The following SCN2A variants were observed in gnomAD, a reference collection of about 807,000 sequenced individuals.
SCN2A encodes sodium voltage-gated channel alpha subunit 2, also known as sodium channel protein type 2 subunit alpha.
A neutral mutation model predicts 188.7 loss-of-function variants in SCN2A; 20 were observed. That is an observed-to-expected ratio of 0.11 (90% CI 0.07 to 0.15). SCN2A has a LOEUF of 0.15. SCN2A is among the 10% of genes least tolerant of loss of function. The pLI is 1.00. For synonymous variants in SCN2A, 804 were observed against 833.1 expected, an observed-to-expected ratio of 0.97 and a Z score of 0.60; for missense variants, 1,278 against 2,445.0, an observed-to-expected ratio of 0.52 and a Z score of 10.07.
chr2:165,390,598 A>G lies in SCN2A; in HGVS notation c.*774A>G, dbSNP rs868613618. 6.5e-6 allele frequency: 1 copy of G among 152,754 alleles called. No homozygotes were observed. The highest frequency in any genetic ancestry group is 1.5e-5 in the Non-Finnish European group (1 of 68,224). The allele number at this position is 152,754 out of a possible 1,614,324, so 9.5% of individuals were successfully genotyped here. A position where few individuals can be genotyped will look rare whatever the true frequency, so the allele number is the denominator to read the frequency against. On this transcript the variant is annotated 3_prime_UTR_variant, in exon 27 of 27. Coordinates refer to ENST00000375437, the MANE Select transcript of SCN2A (RefSeq NM_001040142.2). Reference sequence around the variant, plus strand: ...TATTTTTACATAACCCATTAAATGTACATGTATATATGTATATATGTATAT... The same window carrying G: ...TATTTTTACATAACCCATTAAATGTGCATGTATATATGTATATATGTATAT...
intron 14 of SCN2A, among the ~76,000 whole-genome samples, chr2:165,336,097 A>C (rs1256773114): frequency 6.6e-6 from 1 of 151,912 alleles, no homozygotes; most frequent in African/African-American, 2.4e-5. Context: ...GAAAGCCAAT[A>C]CCATTTTTTA....
intron 20 of SCN2A, chr2:165,372,563 A>T (rs1258442037): frequency 6.6e-6 from 1 of 152,016 alleles, no homozygotes; most frequent in East Asian, 1.9e-4. Flanking sequence ...AAGACTTTAT[A>T]ATTTTTCTCA....
rs944117719 is a variant in SCN2A, at chr2:165,260,736, G to A, written c.-52+21096G>A. 2.6e-5 allele frequency among the ~76,000 whole-genome samples: 4 copies of A among 152,014 alleles called. No homozygotes were observed. The East Asian group carries it at 7.7e-4, about 29-fold the overall frequency. ...AATCTCAGCACTTTGGGAGGCTGAG[G>A]CGGGTGCATCGCCTGAGGTTAGGAG... On this transcript the variant is annotated intron_variant, in intron 1 of 26. Transcript: ENST00000375437.
chr2:165,296,142 G>A (rs752825654), intron 2 of SCN2A, 52 bp downstream of exon 2: 1 of 1,557,664 alleles, frequency 6.4e-7, no homozygotes, highest in Non-Finnish European at 8.8e-7. Context: ...TTGGTTCTGG[G>A]CTAGTCCCAG....
chr2:165,294,131 C>G (rs1419341869), intron 1 of SCN2A: 1 of 971,184 alleles, frequency 1.0e-6, no homozygotes, highest in Admixed American at 6.7e-5. Flanking sequence ...AAAGATTCTA[C>G]AGGGGTAATG....
chr2:165,297,233 T>G lies in SCN2A; in HGVS notation c.386+98T>G, dbSNP rs1696557108. ...AATATCTGTGGTTGGCAATGTTATG[T>G]GTTCTTTCTTTTTCTTTCCTTTTAC... On this transcript the variant is annotated intron_variant, in intron 3 of 26. Coordinates refer to ENST00000375437, the MANE Select transcript of SCN2A (RefSeq NM_001040142.2). The G allele has an allele frequency of 4.1e-6, 3 of 738,910 alleles. No individual in the cohort carries two copies. In the South Asian group the frequency reaches 4.6e-5, roughly 11 times the overall value. 45.8% of individuals were successfully genotyped at this position (738,910 alleles called of 1,614,324 possible). A position where few individuals can be genotyped will look rare whatever the true frequency, so the allele number is the denominator to read the frequency against.
intron 16 of SCN2A, among the ~76,000 whole-genome samples, chr2:165,347,359 A>G (rs998696588): frequency 1.3e-5 from 2 of 151,846 alleles, no homozygotes; most frequent in Non-Finnish European, 1.5e-5. Flanking sequence ...ACCAAACACT[A>G]TATGTTCTCA....
chr2:165,373,019 C>G (rs1306309739), intron 20 of SCN2A: 1 of 526,286 alleles, frequency 1.9e-6, no homozygotes, highest in African/African-American at 1.9e-5. Flanking sequence ...TAACTTCACC[C>G]TGGGAACCTG....
intron 1 of SCN2A, among the ~76,000 whole-genome samples, chr2:165,284,702 T>C (rs1470910877): frequency 6.6e-6 from 1 of 152,134 alleles, no homozygotes; most frequent in African/African-American, 2.4e-5. Flanking sequence ...CAAGTGGAAA[T>C]ACCTCACCCT....
chr2:165,241,686 C>G (rs1414229644), intron 1 of SCN2A, among the ~76,000 whole-genome samples: 1 of 152,114 alleles, frequency 6.6e-6, no homozygotes, highest in Non-Finnish European at 1.5e-5. Context: ...CACTATATCT[C>G]AAAATAAGGA....
At chr2:165,252,964 T>C (rs1694159787) in intron 1 of SCN2A, among the ~76,000 whole-genome samples, 2 of 152,088 alleles carry the variant, frequency 1.3e-5, no homozygotes, top group African/African-American at 4.8e-5. Flanking sequence ...TTGTTCCCAT[T>C]GGTCAGTGGG....
chr2:165,380,271 A>G (rs1244854488), intron 23 of SCN2A, among the ~76,000 whole-genome samples: 1 of 151,844 alleles, frequency 6.6e-6, no homozygotes, highest in Non-Finnish European at 1.5e-5. Context: ...CTTTTGTAAG[A>G]AGAGGAAATC....
At chr2:165,303,507 C>G (rs1696954055) in intron 3 of SCN2A, among the ~76,000 whole-genome samples, 1 of 151,942 alleles carries the variant, frequency 6.6e-6, no homozygotes, top group South Asian at 2.1e-4. Flanking sequence ...GATCTCCTGA[C>G]CTCGTGATCC....
intron 23 of SCN2A, among the ~76,000 whole-genome samples, chr2:165,379,062 G>C (rs1701461227): frequency 6.6e-6 from 1 of 151,708 alleles, no homozygotes; most frequent in Non-Finnish European, 1.5e-5. Flanking sequence ...CATTATTTGA[G>C]AAAGTTAAAG....
Position 165,350,680 on chromosome 2 carries a change from G to C in SCN2A, c.2920-3512G>C, listed in dbSNP as rs569922827. Among the ~76,000 whole-genome samples, 3 of 87,338 alleles carry C rather than the reference G, an allele frequency of 3.4e-5. No individual in the cohort carries two copies. The South Asian group carries it at 1.3e-3, about 38-fold the overall frequency. The allele number at this position is 87,338 out of a possible 152,430, so 57.3% of individuals were successfully genotyped here. A position where few individuals can be genotyped will look rare whatever the true frequency, so the allele number is the denominator to read the frequency against. ...GTAGAGACGGGGTTTCACCGTTTTAGCCGGGATGGTCTCGATCTCCTGACC... is the reference window on the plus strand; with the variant it reads ...GTAGAGACGGGGTTTCACCGTTTTACCCGGGATGGTCTCGATCTCCTGACC... On this transcript the variant is annotated intron_variant, in intron 16 of 26. Transcript: ENST00000375437.
At chr2:165,291,566 T>TC (rs1696195176) in intron 1 of SCN2A, among the ~76,000 whole-genome samples, 1 of 92,712 alleles carries the variant, frequency 1.1e-5, no homozygotes, top group African/African-American at 3.2e-5. Context: ...CCTTCCTTCC[T>TC]TCCTTCCTTT....
At chr2:165,300,618 T>A (rs1696757100) in intron 3 of SCN2A, among the ~76,000 whole-genome samples, 1 of 151,992 alleles carries the variant, frequency 6.6e-6, no homozygotes, top group African/African-American at 2.4e-5. Flanking sequence ...AGTATGAAGG[T>A]AAAGTCTGAA....
At chr2:165,338,993 G>A (rs1699162268) in intron 14 of SCN2A, among the ~76,000 whole-genome samples, 1 of 152,218 alleles carries the variant, frequency 6.6e-6, no homozygotes, top group South Asian at 2.1e-4. Context: ...GGCTGAGGCA[G>A]TGGATCACTT....
At chr2:165,336,702 G>T (rs1699016317) in intron 14 of SCN2A, among the ~76,000 whole-genome samples, 1 of 151,944 alleles carries the variant, frequency 6.6e-6, no homozygotes. Context: ...ACAAGCCACT[G>T]AATTGCATAC....
Sources: allele counts gnomAD v4.1 joint callset (sites outside exome capture counted in the v4.1 genomes callset), GRCh38; gene constraint gnomAD v4.1.1; transcripts MANE v1.5; gene names NCBI Gene and HGNC (gene_info 2026-07-23, HGNC 2026-07-21).